Variants in RNLS observed in about 807,000 individuals in gnomAD.
The protein encoded by RNLS is renalase, FAD dependent amine oxidase, also known as renalase.
In RNLS, 39 loss-of-function variants were observed where a neutral mutation model predicts 39.8. The observed-to-expected ratio is 0.98, with a 90% CI of 0.76 to 1.28. The LOEUF (loss-of-function observed/expected upper bound fraction) is 1.28. Ranked by LOEUF, RNLS falls within the 50% of genes most tolerant of loss-of-function variation. RNLS has a pLI of 0.00. For missense variants in RNLS, 410 were observed against 413.3 expected (o/e 0.99, Z 0.07); for synonymous variants, 147 against 150.7 (o/e 0.98, Z 0.18).
chr10:88,321,152 A>G (rs989414651), intron 5 of RNLS, among the ~76,000 whole-genome samples: 3 of 152,182 alleles, frequency 2.0e-5, no homozygotes, highest in Non-Finnish European at 4.4e-5. Flanking sequence ...GGAACTATCA[A>G]AAACCACATA....
At chr10:88,307,090 A>C (rs1379709422) in intron 6 of RNLS, among the ~76,000 whole-genome samples, 1 of 152,226 alleles carries the variant, frequency 6.6e-6, no homozygotes, top group Admixed American at 6.5e-5. Context: ...ACCTCAATAG[A>C]TGCAGAAAAG....
chr10:88,504,629 A>G (rs922339063), intron 4 of RNLS, among the ~76,000 whole-genome samples: 1 of 152,124 alleles, frequency 6.6e-6, no homozygotes, highest in Non-Finnish European at 1.5e-5. Context: ...ATTGTAATAC[A>G]CTCTATATCA....
the RNLS span, among the ~76,000 whole-genome samples, chr10:88,238,256 C>G: frequency 6.6e-6 from 1 of 152,174 alleles, no homozygotes; most frequent in African/African-American, 2.4e-5. Context: ...GACAGATTTG[C>G]AACCTCTGTA....
chr10:88,458,714 A>C (rs1842771029), intron 4 of RNLS, among the ~76,000 whole-genome samples: 1 of 152,172 alleles, frequency 6.6e-6, no homozygotes, highest in African/African-American at 2.4e-5. Context: ...GGTTCACAAG[A>C]AGAATAGTAT....
chr10:88,285,337 G>A lies in RNLS; in HGVS notation c.*17C>T, dbSNP rs1404722476. ...AATAAAAACCCAATACACATGTAGA[G>A]AATAAGGATATAGGCACTAAATATA... On this transcript the variant is annotated 3_prime_UTR_variant, in exon 7 of 7. Transcript: ENST00000331772. The A allele has an allele frequency of 6.3e-7, 1 of 1,594,602 alleles. No individual in the cohort carries two copies. Among genetic ancestry groups the A allele is most frequent in the Non-Finnish European group, 8.6e-7 (1 of 1,167,784 alleles).
At chr10:88,201,533 G>A in the RNLS span, among the ~76,000 whole-genome samples, 1 of 152,090 alleles carries the variant, frequency 6.6e-6, no homozygotes, top group South Asian at 2.1e-4. Flanking sequence ...TCATGGTGGG[G>A]GTGAAAAGAA....
intron 4 of RNLS, among the ~76,000 whole-genome samples, chr10:88,518,283 C>CA (rs1298657552): frequency 6.6e-6 from 1 of 151,674 alleles, no homozygotes. Context: ...AACCCACAGG[C>CA]AAAATATAGT....
At chr10:88,304,566 A>G (rs1844782175) in intron 6 of RNLS, among the ~76,000 whole-genome samples, 1 of 152,242 alleles carries the variant, frequency 6.6e-6, no homozygotes, top group Non-Finnish European at 1.5e-5. Flanking sequence ...TAGCAGCAGA[A>G]TAGACCAAGT....
the RNLS span, among the ~76,000 whole-genome samples, chr10:88,193,503 C>T: frequency 5.9e-5 from 9 of 152,154 alleles, no homozygotes; most frequent in Non-Finnish European, 1.2e-4. Flanking sequence ...CCACCCTGTA[C>T]ATTTCTGCCT....
At chr10:88,533,975 T>A (rs1027890384) in intron 4 of RNLS, among the ~76,000 whole-genome samples, 3 of 151,998 alleles carry the variant, frequency 2.0e-5, no homozygotes, top group Admixed American at 2.0e-4. Context: ...AAATTGCCTA[T>A]ATTTTAGGAG....
Position 88,582,986 on chromosome 10 carries a change from T to TA in RNLS, c.118+86dup, listed in dbSNP as rs1850731553. ...AGCTGAGGGTATAGCGTTTTCGCCT[T>TA]AGACTTTCTTGGGTGCAGGCCCACA... On this transcript the variant is annotated intron_variant, in intron 1 of 6. Transcript: ENST00000331772. 14 of 1,462,042 alleles carry TA rather than the reference T, an allele frequency of 9.6e-6. No homozygotes were observed. The East Asian group carries it at 2.7e-4, about 28-fold the overall frequency. The allele number at this position is 1,462,042 out of a possible 1,614,324, so 90.6% of individuals were successfully genotyped here. A position where few individuals can be genotyped will look rare whatever the true frequency, so the allele number is the denominator to read the frequency against.
At chr10:88,239,160 C>A in the RNLS span, among the ~76,000 whole-genome samples, 23 of 152,262 alleles carry the variant, frequency 1.5e-4, no homozygotes, top group South Asian at 4.6e-3. Context: ...AATGTTTGAT[C>A]TGCTCTGTAT....
intron 4 of RNLS, among the ~76,000 whole-genome samples, chr10:88,487,909 T>C (rs1844631143): frequency 6.6e-6 from 1 of 152,196 alleles, no homozygotes; most frequent in African/African-American, 2.4e-5. Flanking sequence ...AATGAACTAT[T>C]GATGCATACA....
At chr10:88,218,282 A>G in the RNLS span, among the ~76,000 whole-genome samples, 1 of 152,224 alleles carries the variant, frequency 6.6e-6, no homozygotes, top group African/African-American at 2.4e-5. Context: ...ATGGCATATG[A>G]GACTAGAGAG....
chr10:88,521,499 G>A (rs1242161723), intron 4 of RNLS, among the ~76,000 whole-genome samples: 1 of 151,986 alleles, frequency 6.6e-6, no homozygotes, highest in Non-Finnish European at 1.5e-5. Flanking sequence ...AATGAAGGAG[G>A]ACACTAAGGC....
At chr10:88,394,641 C>T in intron 4 of RNLS, among the ~76,000 whole-genome samples, 1 of 151,926 alleles carries the variant, frequency 6.6e-6, no homozygotes, top group South Asian at 2.1e-4. Context: ...TGTGGCGATT[C>T]CTCAGGGATC....
chr10:88,451,720 TGCCC>T (rs1419978829), intron 4 of RNLS, among the ~76,000 whole-genome samples: 1 of 152,218 alleles, frequency 6.6e-6, no homozygotes, highest in Non-Finnish European at 1.5e-5. Context: ...GTCTATTCTC[TGCCC>T]CACCCATCAA....
chr10:88,344,049 A>G (rs767290741), intron 5 of RNLS, among the ~76,000 whole-genome samples: 2 of 152,152 alleles, frequency 1.3e-5, no homozygotes, highest in Non-Finnish European at 2.9e-5. Context: ...CCTACTCAGC[A>G]TTATGCCCTC....
intron 4 of RNLS, among the ~76,000 whole-genome samples, chr10:88,376,640 C>G (rs1851024017): frequency 6.6e-6 from 1 of 152,090 alleles, no homozygotes; most frequent in Non-Finnish European, 1.5e-5. Context: ...GAATCGCCAG[C>G]TTTATTTCTA....
Sources: allele counts gnomAD v4.1 joint callset (sites outside exome capture counted in the v4.1 genomes callset), GRCh38; gene constraint gnomAD v4.1.1; transcripts MANE v1.5; gene names NCBI Gene and HGNC (gene_info 2026-07-23, HGNC 2026-07-21).